Variants in CCDC7 observed in about 807,000 individuals in gnomAD.
The protein encoded by CCDC7 is coiled-coil domain-containing protein 7.
A neutral mutation model predicts 196.9 loss-of-function variants in CCDC7; 183 were observed. The ratio of observed to expected loss-of-function variants is 0.93; its 90% CI spans 0.82 to 1.05. CCDC7 has a LOEUF of 1.05. CCDC7 is among the 50% of genes least tolerant of loss of function. The pLI is 0.00. For missense variants in CCDC7, 1,540 were observed against 1,482.2 expected (o/e 1.04, Z -0.64); for synonymous variants, 525 against 484.6 (o/e 1.08, Z -1.10).
rs1402421081 is a variant in CCDC7 at position 32,588,579 on chromosome 10, T to C, written c.1801+4275T>C. 1.9e-4 allele frequency among the ~76,000 whole-genome samples: 29 copies of C among 152,194 alleles called. 1 individual carries two copies. Among genetic ancestry groups the C allele is most frequent in the Non-Finnish European group, 2.2e-4 (15 of 68,020 alleles). ...CATTTTTCTAGTATTTTTTGAGAAG[T>C]TTTGCATCTGTATCATAAGGATACT... On this transcript the variant is annotated intron_variant, in intron 18 of 41. Transcript: ENST00000639629.
intron 28 of CCDC7, among the ~76,000 whole-genome samples, chr10:32,769,684 A>T (rs1404974036): frequency 2.4e-5 from 3 of 123,782 alleles, no homozygotes; most frequent in Non-Finnish European, 3.3e-5. Flanking sequence ...CCCAGTGTCC[A>T]TGTTTTCTCA....
intron 18 of CCDC7, among the ~76,000 whole-genome samples, chr10:32,595,631 T>C (rs1392404862): frequency 6.6e-6 from 1 of 152,222 alleles, no homozygotes; most frequent in South Asian, 2.1e-4. Context: ...TTAATTGTGA[T>C]GTTAGGGTGT....
intron 21 of CCDC7, among the ~76,000 whole-genome samples, chr10:32,670,522 C>A (rs2073845044): frequency 1.4e-5 from 2 of 147,454 alleles, no homozygotes; most frequent in African/African-American, 5.0e-5. Flanking sequence ...GGTATATCTC[C>A]CAGTGCTATC....
intron 25 of CCDC7, among the ~76,000 whole-genome samples, chr10:32,713,652 C>T (rs1245801136): frequency 6.6e-6 from 1 of 152,238 alleles, no homozygotes; most frequent in Admixed American, 6.5e-5. Context: ...GTGGGACCAC[C>T]ATGGCTCACT....
At chr10:32,479,886 T>G (rs1256263275) in intron 8 of CCDC7, among the ~76,000 whole-genome samples, 2 of 151,972 alleles carry the variant, frequency 1.3e-5, no homozygotes, top group Non-Finnish European at 2.9e-5. Context: ...AGTCTTCTTA[T>G]TAATTACTAG....
chr10:32,598,894 G>A (rs2060703296), intron 18 of CCDC7, among the ~76,000 whole-genome samples: 1 of 152,092 alleles, frequency 6.6e-6, no homozygotes, highest in South Asian at 2.1e-4. Context: ...TGCTGATGTT[G>A]GGTGGAGGGT....
At chr10:32,816,726 G>T (rs1421746188) in intron 31 of CCDC7, among the ~76,000 whole-genome samples, 2 of 152,090 alleles carry the variant, frequency 1.3e-5, no homozygotes, top group Admixed American at 6.6e-5. Flanking sequence ...AGGCAAACAG[G>T]GTCTGGAGTA....
intron 20 of CCDC7, among the ~76,000 whole-genome samples, chr10:32,648,096 A>G (rs989304004): frequency 6.6e-6 from 1 of 152,114 alleles, no homozygotes; most frequent in Non-Finnish European, 1.5e-5. Context: ...CCCTTTCCTC[A>G]TTGCTTGTTT....
chr10:32,723,316 C>G (rs943493609), intron 25 of CCDC7, among the ~76,000 whole-genome samples: 3 of 152,084 alleles, frequency 2.0e-5, no homozygotes, highest in Non-Finnish European at 4.4e-5. Flanking sequence ...AATTCTGATA[C>G]CGATTTGTCA....
At chr10:32,682,072 G>A (rs932823140) in intron 21 of CCDC7, among the ~76,000 whole-genome samples, 6 of 152,032 alleles carry the variant, frequency 3.9e-5, no homozygotes, top group African/African-American at 1.5e-4. Context: ...TTATTACATG[G>A]CTATATTGTG....
At chr10:32,533,920 T>G (rs1482769078) in intron 11 of CCDC7, among the ~76,000 whole-genome samples, 3 of 152,138 alleles carry the variant, frequency 2.0e-5, no homozygotes, top group Non-Finnish European at 4.4e-5. Flanking sequence ...AGAATTTCTT[T>G]TACCTGGATA....
chr10:32,487,647 T>G (rs541207044), intron 8 of CCDC7, among the ~76,000 whole-genome samples: 5 of 152,194 alleles, frequency 3.3e-5, no homozygotes, highest in African/African-American at 1.2e-4. Flanking sequence ...TGATGGTGAC[T>G]TACAGATGGG....
chr10:32,653,431 C>G (rs1763797), intron 20 of CCDC7, among the ~76,000 whole-genome samples: 140,652 of 152,258 alleles, frequency 0.92, 65,949 homozygotes, highest in East Asian at 1. Flanking sequence ...TGTGCCACTT[C>G]GGTTTGGGGG....
chr10:32,869,383 G>A (rs952877930), intron 41 of CCDC7, among the ~76,000 whole-genome samples: 1 of 152,108 alleles, frequency 6.6e-6, no homozygotes, highest in African/African-American at 2.4e-5. Context: ...AGAAGTGTCT[G>A]TTCATATCCT....
At chr10:32,778,422 C>A (rs2080466214) in intron 28 of CCDC7, among the ~76,000 whole-genome samples, 1 of 152,174 alleles carries the variant, frequency 6.6e-6, no homozygotes, top group Non-Finnish European at 1.5e-5. Flanking sequence ...GCTATCCCAG[C>A]ATCATTTATT....
At position 32,589,046 on chromosome 10, in the gene CCDC7, ATAAT is replaced by A. The variant is rs763742356; in HGVS notation, c.1801+4746_1801+4749del. 7.9e-4 allele frequency among the ~76,000 whole-genome samples: 120 copies of A among 152,144 alleles called. 1 individual carries two copies. Among genetic ancestry groups the A allele is most frequent in the Non-Finnish European group, 1.4e-3 (98 of 68,016 alleles). On this transcript the variant is annotated intron_variant, in intron 18 of 41. Coordinates refer to ENST00000639629, the Ensembl canonical transcript of CCDC7. ...TACTTTCTTAGTTATTTTAAAATGT[ATAAT>A]TAAATTATTATTGACTATAGTCACC...
chr10:32,697,352 G>T (rs973780029), intron 24 of CCDC7, among the ~76,000 whole-genome samples: 1 of 152,202 alleles, frequency 6.6e-6, no homozygotes, highest in Non-Finnish European at 1.5e-5. Context: ...AGCCCACAGA[G>T]TGTGAGCCAA....
chr10:32,696,561 G>C (rs189007696), intron 24 of CCDC7, among the ~76,000 whole-genome samples: 36 of 152,060 alleles, frequency 2.4e-4, no homozygotes, highest in African/African-American at 8.4e-4. Context: ...TGGTAGAAGA[G>C]GAGAGCAGCA....
intron 28 of CCDC7, among the ~76,000 whole-genome samples, chr10:32,770,168 GGTTTGTT>G (rs1293854846): frequency 6.6e-6 from 1 of 152,006 alleles, no homozygotes; most frequent in Non-Finnish European, 1.5e-5. Context: ...TTTTGGGTTT[GGTTTGTT>G]CTTGTGTTTC....
Sources: gnomAD v4.1 joint callset for allele counts (sites outside exome capture counted in the v4.1 genomes callset) on GRCh38, gnomAD v4.1.1 for gene constraint, MANE v1.5 for transcripts, NCBI Gene and HGNC (gene_info 2026-07-23, HGNC 2026-07-21) for gene names.